Variants in UNC13C observed in about 807,000 individuals in gnomAD.
UNC13C encodes unc-13 homolog C.
UNC13C carries 174 observed loss-of-function variants against 245.4 expected under a neutral mutation model. The observed-to-expected ratio is 0.71, with a 90% CI of 0.63 to 0.80. The LOEUF (loss-of-function observed/expected upper bound fraction) is 0.80, where lower values mean the gene tolerates loss of function less well. Ranked by LOEUF, UNC13C falls within the 30% of genes least tolerant of loss-of-function variation. UNC13C has a pLI of 0.00. For missense variants in UNC13C, 2,829 were observed against 2,602.9 expected, an observed-to-expected ratio of 1.09 and a Z score of -1.89; for synonymous variants, 992 against 895.1, an observed-to-expected ratio of 1.11 and a Z score of -1.93.
intron 19 of UNC13C, among the ~76,000 whole-genome samples, chr15:54,422,440 A>G (rs1412730360): frequency 6.6e-6 from 1 of 152,034 alleles, no homozygotes; most frequent in Non-Finnish European, 1.5e-5. Context: ...CCTGGTATAT[A>G]AAAGTTTCCA....
At chr15:54,171,110 A>T (rs565075506) in intron 4 of UNC13C, among the ~76,000 whole-genome samples, 1 of 152,258 alleles carries the variant, frequency 6.6e-6, no homozygotes, top group East Asian at 1.9e-4. Flanking sequence ...AATTCAGAAC[A>T]TTTCCATTAT....
the UNC13C span, chr15:53,948,320 T>C: frequency 1.3e-5 from 2 of 152,158 alleles, no homozygotes; most frequent in East Asian, 3.9e-4. Flanking sequence ...GAGAAACTTC[T>C]GTCATAAGAA....
intron 2 of UNC13C, among the ~76,000 whole-genome samples, chr15:54,042,353 C>A (rs1896841497): frequency 6.6e-6 from 1 of 152,178 alleles, no homozygotes; most frequent in Admixed American, 6.5e-5. Context: ...TCAATAGTGA[C>A]TTTTCAACCG....
chr15:54,049,472 A>C (rs939120853), intron 2 of UNC13C: 1 of 389,132 alleles, frequency 2.6e-6, no homozygotes, highest in South Asian at 2.3e-5. Context: ...GAAACAACTA[A>C]GTGTGCAGAG....
At chr15:54,510,107 G>A (rs1273404083) in intron 23 of UNC13C, among the ~76,000 whole-genome samples, 1 of 152,110 alleles carries the variant, frequency 6.6e-6, no homozygotes, top group Admixed American at 6.6e-5. Flanking sequence ...AGATTAGCTT[G>A]AATGTTAATA....
the UNC13C span, among the ~76,000 whole-genome samples, chr15:53,845,498 C>T: frequency 2.0e-5 from 3 of 152,168 alleles, no homozygotes; most frequent in Admixed American, 2.0e-4. Context: ...AACACAATGT[C>T]CTATGATATG....
chr15:53,882,383 C>T, the UNC13C span, among the ~76,000 whole-genome samples: 1 of 151,906 alleles, frequency 6.6e-6, no homozygotes, highest in African/African-American at 2.4e-5. Context: ...TATATATACC[C>T]AAAGTTTTTA....
At chr15:54,522,537 C>G (rs1895268413) in intron 24 of UNC13C, among the ~76,000 whole-genome samples, 1 of 152,032 alleles carries the variant, frequency 6.6e-6, no homozygotes, top group African/African-American at 2.4e-5. Flanking sequence ...CTAGCTGGCT[C>G]TCCCAGACAA....
chr15:53,838,222 A>G, the UNC13C span, among the ~76,000 whole-genome samples: 2 of 152,104 alleles, frequency 1.3e-5, no homozygotes, highest in African/African-American at 4.8e-5. Context: ...TTTATCCATC[A>G]TTTATGTCTC....
chr15:54,453,344 T>G (rs929153731), intron 19 of UNC13C, among the ~76,000 whole-genome samples: 2 of 152,186 alleles, frequency 1.3e-5, no homozygotes, highest in Non-Finnish European at 2.9e-5. Context: ...ACATGTCTCC[T>G]GTCTCTTATC....
the UNC13C span, among the ~76,000 whole-genome samples, chr15:53,884,574 A>AT: frequency 6.6e-6 from 1 of 151,974 alleles, no homozygotes; most frequent in Admixed American, 6.6e-5. Flanking sequence ...GCCTGAAGCA[A>AT]TTTTCCTGCC....
chr15:54,019,186 T>A (rs1409468472), intron 2 of UNC13C, among the ~76,000 whole-genome samples: 1 of 152,206 alleles, frequency 6.6e-6, no homozygotes, highest in Non-Finnish European at 1.5e-5. Flanking sequence ...TAGCTTAATG[T>A]CATTCAGCTA....
chr15:53,939,611 C>T, the UNC13C span, among the ~76,000 whole-genome samples: 1 of 152,136 alleles, frequency 6.6e-6, no homozygotes, highest in Non-Finnish European at 1.5e-5. Context: ...AAACCGAATC[C>T]AGCAGCACAT....
the UNC13C span, among the ~76,000 whole-genome samples, chr15:53,940,176 G>A: frequency 6.6e-6 from 1 of 152,132 alleles, no homozygotes; most frequent in African/African-American, 2.4e-5. Context: ...ATGTAAAAAG[G>A]TTTGGGGGAA....
chr15:54,050,807 G>A, intron 2 of UNC13C: 2 of 595,108 alleles, frequency 3.4e-6, no homozygotes, highest in South Asian at 2.7e-5. Context: ...CCCTTCAGCA[G>A]TAGTCCAGCC....
In UNC13C at chr15:54,188,266, G is replaced by A. The variant is rs529959812; in HGVS notation, c.3071+44582G>A. Reference sequence around the variant, plus strand: ...AACATTTGAAGTTAATTCCAACAGCGTAAAAAGGTACACACTGACCTTGTT... The same window carrying A: ...AACATTTGAAGTTAATTCCAACAGCATAAAAAGGTACACACTGACCTTGTT... On this transcript the variant is annotated intron_variant, in intron 4 of 32. Coordinates refer to ENST00000260323, the MANE Select transcript of UNC13C (RefSeq NM_001080534.3). 4.5e-4 allele frequency among the ~76,000 whole-genome samples: 68 copies of A among 152,146 alleles called. 1 individual carries two copies. Among genetic ancestry groups the A allele is most frequent in the African/African-American group, 1.6e-3 (66 of 41,516 alleles).
intron 18 of UNC13C, among the ~76,000 whole-genome samples, chr15:54,402,253 A>T (rs534192509): frequency 2.6e-5 from 4 of 152,282 alleles, no homozygotes; most frequent in African/African-American, 9.6e-5. Flanking sequence ...AAAGTAATTT[A>T]AAAACTGTTA....
intron 30 of UNC13C, among the ~76,000 whole-genome samples, chr15:54,593,727 C>A (rs938830110): frequency 6.6e-6 from 1 of 151,432 alleles, no homozygotes; most frequent in South Asian, 2.1e-4. Flanking sequence ...ATATTTTTCC[C>A]TTCACTTCTT....
intron 19 of UNC13C, among the ~76,000 whole-genome samples, chr15:54,425,326 G>A (rs372111862): frequency 1.3e-5 from 2 of 151,660 alleles, no homozygotes; most frequent in African/African-American, 4.8e-5. Flanking sequence ...ACTGGACCTG[G>A]GGCTACAAGA....
Sources: gnomAD v4.1 joint callset for allele counts (sites outside exome capture counted in the v4.1 genomes callset) on GRCh38, gnomAD v4.1.1 for gene constraint, MANE v1.5 for transcripts, NCBI Gene and HGNC (gene_info 2026-07-23, HGNC 2026-07-21) for gene names.